Variants in DENND1C observed in about 807,000 individuals in gnomAD.
The protein encoded by DENND1C is DENN domain-containing protein 1C.
DENND1C carries 64 observed loss-of-function variants against 87.9 expected under a neutral mutation model. The observed-to-expected ratio is 0.73, with a 90% CI of 0.60 to 0.90. The LOEUF is 0.90. Ranked by LOEUF, DENND1C falls within the 40% of genes least tolerant of loss-of-function variation. DENND1C has a pLI of 0.00. For synonymous variants in DENND1C, 384 were observed against 424.4 expected, an observed-to-expected ratio of 0.90 and a Z score of 1.17; for missense variants, 980 against 1,037.0, an observed-to-expected ratio of 0.95 and a Z score of 0.76.
In DENND1C at chr19:6,475,358, G is replaced by A. The variant is rs764062646; in HGVS notation, c.969C>T (p.Ala323=). 1 of 1,612,484 alleles carries A rather than the reference G, an allele frequency of 6.2e-7. No homozygotes were observed. Among genetic ancestry groups the A allele is most frequent in the Non-Finnish European group, 8.5e-7 (1 of 1,179,192 alleles). The change falls in exon 14 of 23, where the codon GCC becomes GCT. Residue 323 remains alanine (A), a synonymous_variant. Coordinates refer to ENST00000381480, the MANE Select transcript of DENND1C (RefSeq NM_024898.4). The part of the protein sequence containing the change: ...LRLRLRKVAL[A]PGEGVSRLFL... ...AGAGACGGGACACCCCTTCCCCGGG[G>A]GCCAGGGCGACCTTCCTGAGCCGGA...
At chr19:6,472,330 G>C (rs1312592632) in intron 15 of DENND1C, among the ~76,000 whole-genome samples, 3 of 152,148 alleles carry the variant, frequency 2.0e-5, no homozygotes, top group African/African-American at 7.2e-5. Context: ...ATTTCCCTCA[G>C]GGACCTAGGA....
intron 14 of DENND1C, 144 bp downstream of exon 14, chr19:6,475,130 C>T: frequency 7.4e-7 from 1 of 1,346,102 alleles, no homozygotes; most frequent in South Asian, 1.3e-5. Flanking sequence ...CTTCTGGGCT[C>T]AAGCAATTCT....
Position 6,472,982 on chromosome 19 carries a change from C to T in DENND1C, c.1065G>A (p.Val355=). Residue 355 remains valine, a synonymous_variant, in exon 15 of 23, where the codon GTG becomes GTA. Transcript: ENST00000381480. ...DALVCSPGQP[V]TFSEEVFLAQ... The stretch of plus-strand genomic sequence containing the variant: ...CCAAGAAGACTTCCTCACTGAAGGT[C>T]ACTGGCTGGCCCTGGAAGAAGCGTT... 1 of 1,561,022 alleles carries T rather than the reference C, an allele frequency of 6.4e-7. No individual in the cohort carries two copies. Among genetic ancestry groups the T allele is most frequent in the Non-Finnish European group, 8.7e-7 (1 of 1,155,162 alleles).
At chr19:6,481,560 C>T in intron 1 of DENND1C, 119 bp downstream of exon 1, 1 of 1,480,660 alleles carries the variant, frequency 6.8e-7, no homozygotes, top group South Asian at 1.2e-5. Flanking sequence ...ATTCCAGCCA[C>T]CTGCCCTGGC....
intron 4 of DENND1C, 119 bp from the exon 5 acceptor site, chr19:6,479,175 G>A (rs2092881797): frequency 4.4e-6 from 6 of 1,379,148 alleles, no homozygotes; most frequent in Non-Finnish European, 4.9e-6. Flanking sequence ...CAGGATCCCT[G>A]AATGTCTGGA....
At chr19:6,477,545 G>A in intron 6 of DENND1C, 87 bp from the exon 7 acceptor site, 1 of 1,245,254 alleles carries the variant, frequency 8.0e-7, no homozygotes, top group Admixed American at 2.0e-5. Flanking sequence ...TGAGTGGTCT[G>A]GGAGGAGCCA....
intron 14 of DENND1C, among the ~76,000 whole-genome samples, chr19:6,474,211 AAAAAG>A (rs2092846230): frequency 6.6e-6 from 1 of 150,828 alleles, no homozygotes; most frequent in Admixed American, 6.6e-5. Flanking sequence ...AAAAAAAAAA[AAAAAG>A]AAGAAGAAGA....
Position 6,475,856 on chromosome 19 carries a change from G to A in DENND1C, c.760C>T (p.His254Tyr). The A allele has an allele frequency of 6.5e-7, 1 of 1,549,174 alleles. No individual in the cohort carries two copies. The highest frequency in any genetic ancestry group is 8.7e-7 in the Non-Finnish European group (1 of 1,151,650). ...GCTCACCAGCAGTAGTCCAGCAGGT[G>A]TGGGGGCAGCGTGGGGATCAGCACG... ...EHVLIPTLPP[H>Y]LLDYCCAPMP... The change falls in exon 11 of 23, where the codon CAC becomes TAC. Residue 254 changes from histidine to tyrosine, a missense_variant. Coordinates refer to ENST00000381480, the MANE Select transcript of DENND1C (RefSeq NM_024898.4).
At position 6,480,018 on chromosome 19, in the gene DENND1C, G is replaced by A. The variant is rs753263574; in HGVS notation, c.51C>T (p.Phe17=). 14 of 1,610,090 alleles carry A rather than the reference G, an allele frequency of 8.7e-6. No homozygotes were observed. Among genetic ancestry groups the A allele is most frequent in the East Asian group, 6.7e-5 (3 of 44,776 alleles). ...GCAGGGAGGCAGGGCAGGCCGCTTC[G>A]AAGAACCAATCAAACACAGCAGGGG... ...GGSPAVFDWF[F]EAACPASLQE... The change falls in exon 2 of 23, where the codon TTC becomes TTT. Residue 17 remains phenylalanine (F), a synonymous_variant. Transcript: ENST00000381480.
Position 6,469,670 on chromosome 19 carries a change from A to G in DENND1C, c.1363-30T>C, listed in dbSNP as rs183382996. ...AAAGGAGTGGACAGAGAATTACCCA[A>G]GGGTGGTGGGATCCTGGGCATTTGA... On this transcript the variant is annotated intron_variant, in intron 18 of 22. Coordinates refer to ENST00000381480, the MANE Select transcript of DENND1C (RefSeq NM_024898.4). 3,462 of 1,591,984 alleles carry G rather than the reference A, an allele frequency of 2.2e-3. 6 individuals carry two copies. The highest frequency in any genetic ancestry group is 3.4e-3 in the African/African-American group (251 of 74,532).
At chr19:6,479,957 C>T (rs1260027065) in intron 2 of DENND1C, 30 bp downstream of exon 2, 10 of 1,599,024 alleles carry the variant, frequency 6.3e-6, no homozygotes, top group Non-Finnish European at 8.5e-6. Context: ...CCTCCCCTCC[C>T]ACTCCCTCAC....
chr19:6,470,925 T>C (rs974324857), intron 17 of DENND1C, among the ~76,000 whole-genome samples: 6 of 152,050 alleles, frequency 3.9e-5, no homozygotes, highest in African/African-American at 1.4e-4. Flanking sequence ...CCCAAAGTGC[T>C]GGGATTACAG....
rs755095902 is a variant in DENND1C, at chr19:6,471,486, G to C, written c.1169C>G (p.Ala390Gly). 1 of 1,563,360 alleles carries C rather than the reference G, an allele frequency of 6.4e-7. No individual in the cohort carries two copies. The highest frequency in any genetic ancestry group is 1.2e-5 in the South Asian group (1 of 84,906). The change falls in exon 16 of 23, where the codon GCC becomes GGC. Residue 390 changes from alanine (A) to glycine (G), a missense_variant. Physicochemically the swap from Ala to Gly is moderately conservative, Grantham distance 60 (BLOSUM62 0). Coordinates refer to ENST00000381480, the MANE Select transcript of DENND1C (RefSeq NM_024898.4). ...HLQLFKQFIE[A>G]RLEKLNKGEG... ...CCCCTTGTTGAGCTTCTCCAGCCGG[G>C]CTTCGATGAACTGGGGTGGGGGACA... is the stretch of plus-strand genomic sequence containing the variant.
At chr19:6,476,208 A>T (rs1227906842) in intron 10 of DENND1C, 1 of 454,550 alleles carries the variant, frequency 2.2e-6, no homozygotes, top group South Asian at 3.2e-5. Context: ...AGTCTTCCCC[A>T]TGCAGGTAGA....
chr19:6,481,276 C>G (rs547860295), intron 1 of DENND1C, among the ~76,000 whole-genome samples: 3 of 151,966 alleles, frequency 2.0e-5, no homozygotes, highest in Admixed American at 6.6e-5. Flanking sequence ...CATGGGTACC[C>G]CAGCACTTCA....
Position 6,475,760 on chromosome 19 carries a change from C to G in DENND1C, c.780-9G>C, listed in dbSNP as rs1264839270. 4 of 1,553,548 alleles carry G rather than the reference C, an allele frequency of 2.6e-6. No individual in the cohort carries two copies. The highest frequency in any genetic ancestry group is 3.5e-6 in the Non-Finnish European group (4 of 1,147,720). On this transcript the variant is annotated splice_polypyrimidine_tract_variant and intron_variant, in intron 11 of 22. Coordinates refer to ENST00000381480, the MANE Select transcript of DENND1C (RefSeq NM_024898.4). ...GGTAGGGCATGGGCGCGCTGCGGACCGAGGGGACGGGGTCATGCAGGCACC... is the reference window on the plus strand; with the variant it reads ...GGTAGGGCATGGGCGCGCTGCGGACGGAGGGGACGGGGTCATGCAGGCACC...
chr19:6,481,568 G>A (rs1022574399), intron 1 of DENND1C, 111 bp downstream of exon 1: 1 of 1,514,716 alleles, frequency 6.6e-7, no homozygotes, highest in African/African-American at 1.4e-5. Context: ...CACCTGCCCT[G>A]GCAGGTCACT....
At chr19:6,480,681 C>T (rs926323973) in intron 1 of DENND1C, among the ~76,000 whole-genome samples, 1 of 151,924 alleles carries the variant, frequency 6.6e-6, no homozygotes, top group African/African-American at 2.4e-5. Context: ...TCTTGGCTCA[C>T]TGCAACCTCC....
chr19:6,471,229 G>A (rs765090242), intron 17 of DENND1C, 36 bp downstream of exon 17: 12 of 1,562,204 alleles, frequency 7.7e-6, no homozygotes, highest in East Asian at 7.1e-5. Context: ...ACAGGCCTAA[G>A]CCAACGCCCA....
Sources: gnomAD v4.1 joint callset for allele counts (sites outside exome capture counted in the v4.1 genomes callset) on GRCh38, gnomAD v4.1.1 for gene constraint, MANE v1.5 for transcripts, NCBI Gene and HGNC (gene_info 2026-07-23, HGNC 2026-07-21) for gene names.